Variants in KIF13A observed in about 807,000 individuals in gnomAD.
The protein encoded by KIF13A is kinesin-like protein KIF13A.
Under a neutral mutation model 212.2 loss-of-function variants are expected in KIF13A, and 79 were observed. That is an observed-to-expected ratio of 0.37 (90% CI 0.31 to 0.45). The LOEUF (loss-of-function observed/expected upper bound fraction) is 0.45, where lower values mean the gene tolerates loss of function less well. KIF13A is among the 20% of genes least tolerant of loss of function. The pLI is 1.00. For missense variants in KIF13A, 1,901 were observed against 2,209.0 expected, an observed-to-expected ratio of 0.86 and a Z score of 2.79; for synonymous variants, 789 against 808.6, an observed-to-expected ratio of 0.98 and a Z score of 0.41.
intron 2 of KIF13A, among the ~76,000 whole-genome samples, chr6:17,980,220 G>C (rs1275335486): frequency 6.6e-6 from 1 of 152,130 alleles, no homozygotes; most frequent in Admixed American, 6.5e-5. Context: ...AAAGACAGTG[G>C]AATAATGTCT....
chr6:17,881,473 G>A, intron 3 of KIF13A: 1 of 428,738 alleles, frequency 2.3e-6, no homozygotes, highest in South Asian at 1.7e-5. Context: ...AGGCACAGTG[G>A]CTTATGAGGT....
chr6:17,836,805 T>C lies in KIF13A; in HGVS notation c.1155+73A>G, dbSNP rs146045255. 6.9e-5 allele frequency: 92 copies of C among 1,338,830 alleles called. 1 individual carries two copies. The African/African-American group carries it at 1.1e-3, about 16-fold the overall frequency. The allele number at this position is 1,338,830 out of a possible 1,614,324, so 82.9% of individuals were successfully genotyped here. On this transcript the variant is annotated intron_variant, in intron 11 of 38. Coordinates refer to ENST00000259711, the MANE Select transcript of KIF13A (RefSeq NM_022113.6). ...ATATCAGATGACCTACAATTGCAAA[T>C]GAGCACACCCTTGCCAGTCAAATCC...
In KIF13A at chr6:17,967,540, C is replaced by T. The variant is rs886893415; in HGVS notation, c.146+19514G>A. Among the ~76,000 whole-genome samples the T allele has an allele frequency of 4.6e-5, 7 of 152,146 alleles. No homozygotes were observed. The highest frequency in any genetic ancestry group is 3.8e-4 in the East Asian group (2 of 5,200). ...CTTCTCTAGGGCAGAGAAAACTATC[C>T]GAAGTCTTTCTGGAAGACTGCACGT... On this transcript the variant is annotated intron_variant, in intron 2 of 38. Coordinates refer to ENST00000259711, the MANE Select transcript of KIF13A (RefSeq NM_022113.6). This position sits in a 1 kb window ranked among gnomAD's most constrained non-coding sequence, Gnocchi z 4.1.
At chr6:17,952,852 C>T (rs1777991904) in intron 2 of KIF13A, among the ~76,000 whole-genome samples, 1 of 151,814 alleles carries the variant, frequency 6.6e-6, no homozygotes, top group Admixed American at 6.5e-5. Flanking sequence ...GTGGCGCGAA[C>T]CCGGGAGGCA....
chr6:17,767,414 C>T (rs544747002), intron 38 of KIF13A, among the ~76,000 whole-genome samples: 9 of 152,160 alleles, frequency 5.9e-5, no homozygotes, highest in Non-Finnish European at 8.8e-5. Context: ...GCCACCATGC[C>T]CGGCTAATTT....
chr6:17,841,638 A>G (rs1766518058), intron 9 of KIF13A, among the ~76,000 whole-genome samples: 1 of 152,198 alleles, frequency 6.6e-6, no homozygotes, highest in Admixed American at 6.5e-5. Context: ...ATCCAGTTAC[A>G]GAAGTGTATC....
chr6:17,965,742 G>C (rs377010906), intron 2 of KIF13A, among the ~76,000 whole-genome samples: 5 of 152,238 alleles, frequency 3.3e-5, no homozygotes, highest in African/African-American at 1.2e-4. Flanking sequence ...TGTCTTTTTG[G>C]TGATAGATAA....
intron 2 of KIF13A, among the ~76,000 whole-genome samples, chr6:17,906,339 T>C (rs1773492668): frequency 6.6e-6 from 1 of 152,152 alleles, no homozygotes; most frequent in Non-Finnish European, 1.5e-5. Flanking sequence ...TTGATCTCAC[T>C]GCCTATGGTG....
rs553954691 is a variant in KIF13A at position 17,914,089 on chromosome 6, G to T, written c.147-15909C>A. On this transcript the variant is annotated intron_variant, in intron 2 of 38. Transcript: ENST00000259711. The surrounding 1 kb of genome is among the most constrained non-coding windows in gnomAD (Gnocchi z 5.9). Reference sequence around the variant, plus strand: ...CCCTGATGGAATTCAAAAGGAAAAAGAAATGGTCCTTTATCACAGATGTTT... The same window carrying T: ...CCCTGATGGAATTCAAAAGGAAAAATAAATGGTCCTTTATCACAGATGTTT... Among the ~76,000 whole-genome samples the T allele has an allele frequency of 2.3e-4, 35 of 152,232 alleles. 1 individual carries two copies. Among genetic ancestry groups the T allele is most frequent in the African/African-American group, 8.2e-4 (34 of 41,530 alleles).
In KIF13A at chr6:17,912,536, G is replaced by A. The variant is rs915742547; in HGVS notation, c.147-14356C>T. ...CACCCTAAGCACTTATTAGCATATA[G>A]ACAATGCTTATTAAATTCTACTGAA... is the stretch of plus-strand genomic sequence containing the variant. On this transcript the variant is annotated intron_variant, in intron 2 of 38. Coordinates refer to ENST00000259711, the MANE Select transcript of KIF13A (RefSeq NM_022113.6). This position sits in a 1 kb window ranked among gnomAD's most constrained non-coding sequence, Gnocchi z 4.2. 2.8e-4 allele frequency among the ~76,000 whole-genome samples: 42 copies of A among 152,328 alleles called. No individual in the cohort carries two copies. The highest frequency in any genetic ancestry group is 9.6e-4 in the African/African-American group (40 of 41,570).
chr6:17,852,073 A>G, intron 6 of KIF13A, 31 bp from the exon 7 acceptor site: 1 of 1,188,792 alleles, frequency 8.4e-7, no homozygotes, highest in Non-Finnish European at 1.1e-6. Flanking sequence ...GAATAAATGA[A>G]TCACACCAAA....
intron 2 of KIF13A, among the ~76,000 whole-genome samples, chr6:17,976,223 G>A (rs181959693): frequency 1.2e-3 from 186 of 152,364 alleles, no homozygotes; most frequent in African/African-American, 4.0e-3. Context: ...GGGACTGGGC[G>A]CGGTGGAGAA....
chr6:17,787,837 A>T lies in KIF13A; in HGVS notation c.3300T>A (p.Asp1100Glu). The T allele has an allele frequency of 3.7e-6, 6 of 1,613,372 alleles. No individual in the cohort carries two copies. Among genetic ancestry groups the T allele is most frequent in the Non-Finnish European group, 4.2e-6 (5 of 1,179,320 alleles). Residue 1100 changes from aspartate (D) to glutamate (E), a missense_variant, in exon 27 of 39, where the codon GAT (aspartate) becomes GAA (glutamate). Coordinates refer to ENST00000259711, the MANE Select transcript of KIF13A (RefSeq NM_022113.6). This position sits in a 1 kb window ranked among gnomAD's most constrained non-coding sequence, Gnocchi z 4.6. ...DLNCVRERWS[D>E]ALIKRREYLD... ...GGTATTCTCGTCGTTTAATGAGTGC[A>T]TCTGACCACCTCTCCCTTACGCAGT... is the stretch of plus-strand genomic sequence containing the variant.
At chr6:17,939,154 T>G (rs1776738556) in intron 2 of KIF13A, among the ~76,000 whole-genome samples, 1 of 152,086 alleles carries the variant, frequency 6.6e-6, no homozygotes, top group Admixed American at 6.6e-5. Context: ...TCCTCTTTCC[T>G]CCCCCTTTCC....
At chr6:17,784,178 G>C (rs1760847017) in intron 28 of KIF13A, among the ~76,000 whole-genome samples, 1 of 152,306 alleles carries the variant, frequency 6.6e-6, no homozygotes, top group East Asian at 1.9e-4. Context: ...CCAGCACTTT[G>C]GGAGGCAAAG....
intron 2 of KIF13A, among the ~76,000 whole-genome samples, chr6:17,939,813 G>A (rs1776791608): frequency 2.0e-5 from 3 of 152,110 alleles, no homozygotes; most frequent in Admixed American, 2.0e-4. Flanking sequence ...AGCACTTTGG[G>A]AGGCGGAGGC....
In KIF13A at chr6:17,961,419, A is replaced by G. The variant is rs1269905635; in HGVS notation, c.146+25635T>C. Among the ~76,000 whole-genome samples the G allele has an allele frequency of 1.3e-5, 2 of 152,228 alleles. No individual in the cohort carries two copies. Among genetic ancestry groups the G allele is most frequent in the Non-Finnish European group, 2.9e-5 (2 of 68,040 alleles). On this transcript the variant is annotated intron_variant, in intron 2 of 38. Transcript: ENST00000259711. The surrounding 1 kb of genome is among the most constrained non-coding windows in gnomAD (Gnocchi z 4.1). Reference sequence around the variant, plus strand: ...CTAAAACCACCCCAAAATTGGCCCAACAAGCACCAAGCATATTGTAAGCCC... The same window carrying G: ...CTAAAACCACCCCAAAATTGGCCCAGCAAGCACCAAGCATATTGTAAGCCC...
chr6:17,822,374 C>A (rs1454506747), intron 16 of KIF13A, among the ~76,000 whole-genome samples: 2 of 152,162 alleles, frequency 1.3e-5, no homozygotes, highest in Non-Finnish European at 1.5e-5. Flanking sequence ...ACAAAATCAA[C>A]ACTGGAGAGC....
rs35396541 is a variant in KIF13A at position 17,929,404 on chromosome 6, A to AT, written c.147-31225dup. 5.9e-3 allele frequency among the ~76,000 whole-genome samples: 857 copies of AT among 145,172 alleles called. 11 individuals are homozygous for AT. The highest frequency in any genetic ancestry group is 0.014 in the African/African-American group (557 of 39,312). On this transcript the variant is annotated intron_variant, in intron 2 of 38. Coordinates refer to ENST00000259711, the MANE Select transcript of KIF13A (RefSeq NM_022113.6). ...AGAGGTGTGTGCAGCACTCTCGACT[A>AT]TTTTTTTTTTTTTTGAGACAGAGTC... is the stretch of plus-strand genomic sequence containing the variant.
Sources: gnomAD v4.1 joint callset for allele counts (sites outside exome capture counted in the v4.1 genomes callset) on GRCh38, gnomAD v4.1.1 for gene constraint, Gnocchi (gnomAD v3.1) non-coding constraint, MANE v1.5 for transcripts, NCBI Gene and HGNC (gene_info 2026-07-23, HGNC 2026-07-21) for gene names.